Variants in NTM observed in about 807,000 individuals in gnomAD.
The protein encoded by NTM is neurotrimin, also known as IgLON family member 2.
Under a neutral mutation model 42.1 loss-of-function variants are expected in NTM, and 13 were observed. The ratio of observed to expected loss-of-function variants is 0.31; its 90% CI spans 0.20 to 0.49. The LOEUF (loss-of-function observed/expected upper bound fraction) is 0.49. NTM is among the 20% of genes least tolerant of loss of function. The pLI is 0.99. For missense variants in NTM, 373 were observed against 452.8 expected, an observed-to-expected ratio of 0.82 and a Z score of 1.60; for synonymous variants, 187 against 179.2, an observed-to-expected ratio of 1.04 and a Z score of -0.35.
At chr11:131,557,284 G>A (rs1394390307) in intron 1 of NTM, among the ~76,000 whole-genome samples, 1 of 152,028 alleles carries the variant, frequency 6.6e-6, no homozygotes, top group Non-Finnish European at 1.5e-5. Context: ...CTGGTCAGAG[G>A]AATGAAAAAA....
chr11:131,951,189 G>A (rs917779803), intron 2 of NTM, among the ~76,000 whole-genome samples: 3 of 152,076 alleles, frequency 2.0e-5, no homozygotes, highest in African/African-American at 7.2e-5. Context: ...GATCAGAGGG[G>A]GAATAAAAAG....
intron 2 of NTM, among the ~76,000 whole-genome samples, chr11:132,026,547 A>G (rs2075207450): frequency 6.6e-6 from 1 of 151,950 alleles, no homozygotes; most frequent in Non-Finnish European, 1.5e-5. Context: ...CTGGTTTTTT[A>G]TCTACAATAG....
chr11:131,787,183 A>T (rs923100477), intron 1 of NTM, among the ~76,000 whole-genome samples: 2 of 151,940 alleles, frequency 1.3e-5, no homozygotes, highest in Admixed American at 6.6e-5. Flanking sequence ...TTACAGTTTT[A>T]CTTAGAGTCC....
At chr11:132,326,230 A>G (rs1244700086) in intron 7 of NTM, among the ~76,000 whole-genome samples, 1 of 152,236 alleles carries the variant, frequency 6.6e-6, no homozygotes, top group Non-Finnish European at 1.5e-5. Flanking sequence ...GAGAGAGCCT[A>G]GAGCATGGAC....
intron 4 of NTM, among the ~76,000 whole-genome samples, chr11:132,264,179 C>T (rs922025446): frequency 2.0e-5 from 3 of 152,142 alleles, no homozygotes; most frequent in South Asian, 2.1e-4. Context: ...CAATAGTTTA[C>T]GTTTCTGCCA....
intron 1 of NTM, among the ~76,000 whole-genome samples, chr11:131,760,840 G>A (rs1054058676): frequency 1.3e-5 from 2 of 152,226 alleles, no homozygotes; most frequent in Non-Finnish European, 2.9e-5. Flanking sequence ...GGACGTTGGA[G>A]CGTAGGAAGA....
At chr11:131,795,455 G>A in intron 1 of NTM, 1 of 985,418 alleles carries the variant, frequency 1.0e-6, no homozygotes, top group Non-Finnish European at 1.2e-6. Context: ...TGCTTGATAT[G>A]CAGCTTGTGG....
chr11:131,424,920 C>T (rs1370661444), intron 1 of NTM, among the ~76,000 whole-genome samples: 2 of 147,168 alleles, frequency 1.4e-5, no homozygotes, highest in Non-Finnish European at 3.0e-5. Context: ...CGCTCTGTCA[C>T]CCAGGTTGGA....
At chr11:131,831,749 G>C (rs1288408162) in intron 1 of NTM, among the ~76,000 whole-genome samples, 1 of 151,952 alleles carries the variant, frequency 6.6e-6, no homozygotes, top group East Asian at 1.9e-4. Context: ...GTAAAAATCA[G>C]GTAGCAGATA....
Position 132,298,140 on chromosome 11 carries a change from G to A in NTM, c.527-9549G>A, listed in dbSNP as rs551252402. Among the ~76,000 whole-genome samples the A allele has an allele frequency of 2.0e-5, 3 of 152,226 alleles. No homozygotes were observed. In the East Asian group the frequency reaches 5.8e-4, roughly 29 times the overall value. ...AATTAATCTGGGTGAGGAATTGAAAGCAATTAACTCCTTCAAAGTTATCAG... is the reference window on the plus strand; with the variant it reads ...AATTAATCTGGGTGAGGAATTGAAAACAATTAACTCCTTCAAAGTTATCAG... On this transcript the variant is annotated intron_variant, in intron 4 of 8. Coordinates refer to ENST00000683400, the MANE Select transcript of NTM (RefSeq NM_001352005.2).
At chr11:132,122,249 G>T (rs963149686) in intron 2 of NTM, among the ~76,000 whole-genome samples, 3 of 152,200 alleles carry the variant, frequency 2.0e-5, no homozygotes, top group Non-Finnish European at 2.9e-5. Context: ...GACTGGAAGA[G>T]AAATGAGATA....
At chr11:131,877,526 T>C (rs1286653070) in intron 1 of NTM, among the ~76,000 whole-genome samples, 1 of 152,130 alleles carries the variant, frequency 6.6e-6, no homozygotes, top group Non-Finnish European at 1.5e-5. Flanking sequence ...GGCCCTTTTG[T>C]ATCTCCCCCA....
chr11:131,462,957 A>G (rs536227928), intron 1 of NTM, among the ~76,000 whole-genome samples: 4 of 149,572 alleles, frequency 2.7e-5, no homozygotes, highest in Non-Finnish European at 5.9e-5. Context: ...TCATGAAAAA[A>G]AAAAAAAGAA....
At chr11:131,855,440 C>T (rs926216320) in intron 1 of NTM, among the ~76,000 whole-genome samples, 3 of 152,116 alleles carry the variant, frequency 2.0e-5, no homozygotes, top group African/African-American at 7.2e-5. Context: ...TCTTAAATTC[C>T]CCACTCTACC....
At chr11:131,774,081 A>G (rs972822606) in intron 1 of NTM, 59 of 985,066 alleles carry the variant, frequency 6.0e-5, no homozygotes, top group Non-Finnish European at 6.4e-5. Context: ...TGTTGTTCCA[A>G]AATTGCTCTG....
At chr11:131,409,315 T>C (rs1182260884) in intron 1 of NTM, among the ~76,000 whole-genome samples, 1 of 152,194 alleles carries the variant, frequency 6.6e-6, no homozygotes, top group Non-Finnish European at 1.5e-5. Flanking sequence ...TGAGTCCTCA[T>C]TGAAGCTGCC....
chr11:131,619,909 A>G (rs1190304012), intron 1 of NTM, among the ~76,000 whole-genome samples: 2 of 150,284 alleles, frequency 1.3e-5, no homozygotes, highest in Non-Finnish European at 2.9e-5. Flanking sequence ...GGTTCAAGTG[A>G]TTCTCCTGCC....
chr11:132,160,420 A>C (rs2074038509), intron 3 of NTM, among the ~76,000 whole-genome samples: 1 of 152,182 alleles, frequency 6.6e-6, no homozygotes, highest in African/African-American at 2.4e-5. Flanking sequence ...TCCTACCAAC[A>C]CATGAAATGC....
chr11:132,314,819 G>A, intron 7 of NTM, 116 bp downstream of exon 7: 2 of 1,396,870 alleles, frequency 1.4e-6, no homozygotes, highest in Non-Finnish European at 1.9e-6. Flanking sequence ...AGTGGACATG[G>A]AGAGGGAGGA....
Sources: allele counts gnomAD v4.1 joint callset (sites outside exome capture counted in the v4.1 genomes callset), GRCh38; gene constraint gnomAD v4.1.1; transcripts MANE v1.5; gene names NCBI Gene and HGNC (gene_info 2026-07-23, HGNC 2026-07-21).